CNKSR2: variants seen among roughly 807,000 people sequenced by gnomAD.
CNKSR2 encodes the protein CNK homolog protein 2.
In CNKSR2, 14 loss-of-function variants were observed where a neutral mutation model predicts 84.4. The ratio of observed to expected loss-of-function variants is 0.17; its 90% CI spans 0.11 to 0.26. The LOEUF (loss-of-function observed/expected upper bound fraction) is 0.26. Ranked by LOEUF, CNKSR2 falls within the 10% of genes least tolerant of loss-of-function variation. CNKSR2 has a pLI of 1.00. For missense variants in CNKSR2, 485 were observed against 771.2 expected, an observed-to-expected ratio of 0.63 and a Z score of 4.40; for synonymous variants, 275 against 277.9, an observed-to-expected ratio of 0.99 and a Z score of 0.10.
intron 9 of CNKSR2, among the ~76,000 whole-genome samples, chrX:21,524,463 T>C (rs993992291): frequency 1.8e-5 from 2 of 110,861 alleles, no homozygotes; most frequent in Admixed American, 9.6e-5. Context: ...TTGCTAAAAA[T>C]AGAAACCTAG....
chrX:21,628,011 T>G (rs914770306), intron 20 of CNKSR2, among the ~76,000 whole-genome samples: 1 of 111,313 alleles, frequency 9.0e-6, no homozygotes, highest in Non-Finnish European at 1.9e-5. Context: ...AAAAGCAAGT[T>G]AGTTACCTCC....
chrX:21,388,059 C>T (rs2089996377), intron 1 of CNKSR2, among the ~76,000 whole-genome samples: 1 of 110,294 alleles, frequency 9.1e-6, no homozygotes, highest in Admixed American at 9.7e-5. Context: ...GCCATCACGC[C>T]CGGCTAATTT....
At chrX:21,466,977 A>G (rs1191335640) in intron 4 of CNKSR2, among the ~76,000 whole-genome samples, 1 of 111,950 alleles carries the variant, frequency 8.9e-6, no homozygotes, top group Non-Finnish European at 1.9e-5. Flanking sequence ...AGGTAGAGAT[A>G]CAAACAAGTA....
At chrX:21,424,497 A>G (rs770840540) in intron 1 of CNKSR2, 3 of 111,410 alleles carry the variant, frequency 2.7e-5, no homozygotes, top group Non-Finnish European at 3.8e-5. Flanking sequence ...TGTATGGACC[A>G]CTATACCTTT....
intron 11 of CNKSR2, among the ~76,000 whole-genome samples, chrX:21,551,589 C>T (rs190697045): frequency 2.0e-4 from 22 of 112,005 alleles, no homozygotes; most frequent in Non-Finnish European, 3.4e-4. Context: ...CTCAGTGATT[C>T]TCTGGGTTCA....
chrX:21,567,397 T>A (rs2092247938), intron 13 of CNKSR2, among the ~76,000 whole-genome samples: 1 of 111,315 alleles, frequency 9.0e-6, no homozygotes, highest in African/African-American at 3.3e-5. Context: ...ATGTCATGAG[T>A]AAGTGAATTA....
At chrX:21,469,987 TA>T (rs1249950171) in intron 4 of CNKSR2, among the ~76,000 whole-genome samples, 1 of 112,592 alleles carries the variant, frequency 8.9e-6, no homozygotes, top group Non-Finnish European at 1.9e-5. Flanking sequence ...TGTCAGATTC[TA>T]ATGACTTATC....
At chrX:21,608,586 G>A (rs2092531228) in intron 19 of CNKSR2, among the ~76,000 whole-genome samples, 1 of 110,682 alleles carries the variant, frequency 9.0e-6, no homozygotes, top group South Asian at 3.9e-4. Flanking sequence ...GCACCCATAG[G>A]AGCAGACATT....
chrX:21,546,812 T>A (rs2092030849), intron 11 of CNKSR2, among the ~76,000 whole-genome samples: 1 of 111,872 alleles, frequency 8.9e-6, no homozygotes, highest in Admixed American at 9.5e-5. Context: ...ACCCAGAATT[T>A]CATATTCAGC....
At chrX:21,586,291 T>G (rs2092387796) in intron 13 of CNKSR2, among the ~76,000 whole-genome samples, 1 of 111,715 alleles carries the variant, frequency 9.0e-6, no homozygotes, top group Non-Finnish European at 1.9e-5. Flanking sequence ...AAGATGCAGT[T>G]ACTAAGAAAT....
intron 13 of CNKSR2, among the ~76,000 whole-genome samples, chrX:21,587,438 T>C (rs1242011722): frequency 8.9e-6 from 1 of 112,022 alleles, no homozygotes; most frequent in Non-Finnish European, 1.9e-5. Flanking sequence ...TCATGAGAAA[T>C]ACACTTACCA....
At chrX:21,537,389 T>G (rs1157089418) in intron 11 of CNKSR2, among the ~76,000 whole-genome samples, 1 of 111,435 alleles carries the variant, frequency 9.0e-6, no homozygotes, top group African/African-American at 3.3e-5. Context: ...ATTTAGTCTA[T>G]AGTGCAGTTT....
intron 18 of CNKSR2, among the ~76,000 whole-genome samples, chrX:21,602,129 G>T (rs112027163): frequency 0.033 from 3,540 of 108,513 alleles, 190 homozygotes; most frequent in African/African-American, 0.11. Flanking sequence ...TGTTTTTTTT[G>T]TTTGTTTGTT....
chrX:21,425,736 A>G (rs1452196200), intron 1 of CNKSR2: 1 of 111,624 alleles, frequency 9.0e-6, no homozygotes, highest in African/African-American at 3.3e-5. Context: ...AGGCCACTTC[A>G]CAGGTGATTG....
chrX:21,469,908 C>T (rs911298499), intron 4 of CNKSR2, among the ~76,000 whole-genome samples: 8 of 111,608 alleles, frequency 7.2e-5, no homozygotes, highest in Non-Finnish European at 1.5e-4. Flanking sequence ...GCAAAACTGT[C>T]TCAAAAAAAG....
intron 20 of CNKSR2, among the ~76,000 whole-genome samples, chrX:21,613,809 A>G (rs1251799741): frequency 9.1e-6 from 1 of 110,061 alleles, no homozygotes; most frequent in African/African-American, 3.3e-5. Flanking sequence ...GCGTGGTGGC[A>G]CATACCTGTA....
At chrX:21,530,788 A>G (rs894660144) in intron 10 of CNKSR2, among the ~76,000 whole-genome samples, 1 of 111,093 alleles carries the variant, frequency 9.0e-6, no homozygotes, top group African/African-American at 3.3e-5. Flanking sequence ...AACATGTCAT[A>G]AAATAAACAA....
intron 1 of CNKSR2, among the ~76,000 whole-genome samples, chrX:21,417,829 TTTTG>T (rs2147031931): frequency 9.0e-6 from 1 of 111,373 alleles, no homozygotes; most frequent in East Asian, 2.8e-4. Flanking sequence ...AATCACTGTG[TTTTG>T]TTTTGTTTTG....
rs186876774 is a variant in CNKSR2 at position 21,439,702 on chromosome X, C to T, written c.432-992C>T. Among the ~76,000 whole-genome samples the T allele has an allele frequency of 1.6e-3, 172 of 110,204 alleles. 1 individual carries two copies. Among genetic ancestry groups the T allele is most frequent in the African/African-American group, 4.7e-3 (144 of 30,463 alleles). On this transcript the variant is annotated intron_variant, in intron 3 of 21. Transcript: ENST00000379510. ...TGAAATGGTCCAATTCCTTGAGAAA[C>T]GGTACTAAAACAACCCAAAATGAAA...
Sources: gnomAD v4.1 joint callset for allele counts (sites outside exome capture counted in the v4.1 genomes callset) on GRCh38, gnomAD v4.1.1 for gene constraint, MANE v1.5 for transcripts, NCBI Gene and HGNC (gene_info 2026-07-23, HGNC 2026-07-21) for gene names.